The following TRHDE variants were observed in gnomAD, a reference collection of about 807,000 sequenced individuals.
TRHDE encodes thyrotropin releasing hormone degrading enzyme, also known as thyrotropin-releasing hormone-degrading ectoenzyme.
Under a neutral mutation model 125.7 loss-of-function variants are expected in TRHDE, and 72 were observed. That is an observed-to-expected ratio of 0.57 (90% CI 0.47 to 0.70). The LOEUF is 0.70. Among genes scored for constraint, TRHDE ranks in the 30% least tolerant of loss-of-function variants. The pLI is 0.00. For missense variants in TRHDE, 1,110 were observed against 1,327.1 expected (o/e 0.84, Z 2.54); for synonymous variants, 509 against 509.1 (o/e 1.00, Z 0.00).
Position 72,099,495 on chromosome 12 carries a change from T to C in TRHDE, n.175-6153T>C, listed in dbSNP as rs534698016. On this transcript the variant is annotated intron_variant and non_coding_transcript_variant, in intron 1 of 4. Coordinates refer to the TRHDE transcript ENST00000548156. ...AGGTAAGGATTGACTATGTATAGTT[T>C]GAATTTTTTTTCCCTTAAATACATA... Among the ~76,000 whole-genome samples, 3 of 152,340 alleles carry C rather than the reference T, an allele frequency of 2.0e-5. No homozygotes were observed. The South Asian group carries it at 6.2e-4, about 32-fold the overall frequency.
intron 2 of TRHDE, among the ~76,000 whole-genome samples, chr12:72,209,863 A>C (rs886123606): frequency 1.6e-4 from 25 of 152,194 alleles, no homozygotes; most frequent in Non-Finnish European, 3.5e-4. Context: ...TTTCTGATGC[A>C]TTTATGCAAG....
chr12:72,123,538 G>A lies in TRHDE; in HGVS notation n.279+17786G>A, dbSNP rs117574162. Among the ~76,000 whole-genome samples the A allele has an allele frequency of 1.8e-3, 271 of 151,998 alleles. 5 individuals are homozygous for A. In the East Asian group the frequency reaches 0.047, roughly 26 times the overall value. Reference sequence around the variant, plus strand: ...GGTAACAAAGTTTTAAACATGATGTGTATATACTTTTTATCATAATGTCTT... The same window carrying A: ...GGTAACAAAGTTTTAAACATGATGTATATATACTTTTTATCATAATGTCTT... On this transcript the variant is annotated intron_variant and non_coding_transcript_variant, in intron 2 of 4. Coordinates refer to the TRHDE transcript ENST00000548156.
At chr12:72,647,575 CAG>C (rs1464722191) in intron 15 of TRHDE, among the ~76,000 whole-genome samples, 1 of 151,604 alleles carries the variant, frequency 6.6e-6, no homozygotes, top group African/African-American at 2.4e-5. Flanking sequence ...CAAATAAAAA[CAG>C]AAATGAAGGA....
chr12:72,402,297 A>G (rs748551148), intron 3 of TRHDE, among the ~76,000 whole-genome samples: 3 of 152,032 alleles, frequency 2.0e-5, no homozygotes, highest in Non-Finnish European at 4.4e-5. Context: ...AAAAAATCTC[A>G]TAATGTTTTA....
chr12:72,118,722 T>G (rs567029892), intron 2 of TRHDE, among the ~76,000 whole-genome samples: 1 of 152,320 alleles, frequency 6.6e-6, no homozygotes, highest in South Asian at 2.1e-4. Context: ...GGCTTTGCTC[T>G]TGTTACTCGT....
Position 72,273,156 on chromosome 12 carries a change from G to T in TRHDE, c.513G>T (p.Ser171=). The T allele has an allele frequency of 6.3e-7, 1 of 1,579,200 alleles. No individual in the cohort carries two copies. ...SPGTTSAQPP[S]EEEREPWEPW... ...GGACCACGTCGGCCCAGCCGCCGTC[G>T]GAGGAGGAGCGGGAGCCGTGGGAGC... Residue 171 remains serine, a synonymous_variant, in exon 1 of 19, where the codon TCG becomes TCT. Coordinates refer to ENST00000261180, the MANE Select transcript of TRHDE (RefSeq NM_013381.3). The surrounding 1 kb of genome is among the most constrained non-coding windows in gnomAD (Gnocchi z 5.3).
rs542546820 is a variant in TRHDE at position 72,150,505 on chromosome 12, G to A, written n.279+44753G>A. On this transcript the variant is annotated intron_variant and non_coding_transcript_variant, in intron 2 of 4. Transcript: ENST00000548156. ...GTTGGTGTGCTGCACCCATTAACTC[G>A]TCATTTAACATTAGGTATATCTCCT... Among the ~76,000 whole-genome samples the A allele has an allele frequency of 1.9e-4, 28 of 150,322 alleles. No homozygotes were observed. The South Asian group carries it at 4.0e-3, about 22-fold the overall frequency.
intron 3 of TRHDE, among the ~76,000 whole-genome samples, chr12:72,406,921 T>C (rs1873290541): frequency 6.6e-6 from 1 of 152,192 alleles, no homozygotes; most frequent in Non-Finnish European, 1.5e-5. Flanking sequence ...GAATGTTTCA[T>C]TTTTGACTGA....
At chr12:72,335,451 A>G (rs4760762) in intron 2 of TRHDE, among the ~76,000 whole-genome samples, 1 of 152,294 alleles carries the variant, frequency 6.6e-6, no homozygotes, top group South Asian at 2.1e-4. Flanking sequence ...TAAAGTAGAC[A>G]GGAACCAAAA....
intron 2 of TRHDE, among the ~76,000 whole-genome samples, chr12:72,171,732 C>T (rs1876879292): frequency 6.6e-6 from 1 of 152,104 alleles, no homozygotes; most frequent in East Asian, 1.9e-4. Flanking sequence ...GGGATAGCTC[C>T]CAGAAGAGGG....
intron 2 of TRHDE, chr12:72,254,367 T>G (rs1165086401): frequency 2.0e-5 from 3 of 152,078 alleles, no homozygotes; most frequent in Admixed American, 6.6e-5. Flanking sequence ...TGACCCTCAA[T>G]TCTATTAAAT....
At chr12:72,411,282 C>G (rs1873497769) in intron 3 of TRHDE, among the ~76,000 whole-genome samples, 1 of 149,944 alleles carries the variant, frequency 6.7e-6, no homozygotes, top group African/African-American at 2.5e-5. Context: ...CAAAGAGATT[C>G]AACTATTATT....
At chr12:72,413,519 A>G (rs1011946297) in intron 3 of TRHDE, among the ~76,000 whole-genome samples, 4 of 151,828 alleles carry the variant, frequency 2.6e-5, no homozygotes, top group African/African-American at 9.7e-5. Context: ...TAAAATTATT[A>G]TTAGCTCTAC....
chr12:72,091,996 G>A (rs1874803219), intron 1 of TRHDE, among the ~76,000 whole-genome samples: 1 of 152,084 alleles, frequency 6.6e-6, no homozygotes, highest in Non-Finnish European at 1.5e-5. Context: ...TTTGTCTTTT[G>A]TTATCATTTC....
At chr12:72,209,138 A>G (rs1377372968) in intron 2 of TRHDE, among the ~76,000 whole-genome samples, 1 of 152,136 alleles carries the variant, frequency 6.6e-6, no homozygotes. Context: ...TCTCCTGTTG[A>G]AGCTGTACCC....
intron 2 of TRHDE, among the ~76,000 whole-genome samples, chr12:72,323,757 A>C (rs1869207123): frequency 6.6e-6 from 1 of 152,122 alleles, no homozygotes; most frequent in African/African-American, 2.4e-5. Context: ...TGAAGGTCAA[A>C]GGCAGTTGTG....
chr12:72,333,983 G>A (rs1869720218), intron 2 of TRHDE, among the ~76,000 whole-genome samples: 1 of 151,740 alleles, frequency 6.6e-6, no homozygotes, highest in African/African-American at 2.4e-5. Flanking sequence ...TATAGCTAGT[G>A]GAATGGGTAT....
chr12:72,117,317 C>T (rs1454815897), intron 2 of TRHDE, among the ~76,000 whole-genome samples: 1 of 152,090 alleles, frequency 6.6e-6, no homozygotes, highest in Admixed American at 6.6e-5. Flanking sequence ...TTCCCAGTAC[C>T]ATTTATTGAA....
chr12:72,124,023 G>A (rs61133437), intron 2 of TRHDE, among the ~76,000 whole-genome samples: 3,883 of 152,192 alleles, frequency 0.026, 98 homozygotes, highest in South Asian at 0.11. Context: ...TGAGTGGTAT[G>A]CTGTTGTACA....
Sources: allele counts gnomAD v4.1 joint callset (sites outside exome capture counted in the v4.1 genomes callset), GRCh38; gene constraint gnomAD v4.1.1; non-coding constraint Gnocchi (gnomAD v3.1); transcripts MANE v1.5; gene names NCBI Gene and HGNC (gene_info 2026-07-23, HGNC 2026-07-21).